The following BCL2L13 variants were observed in gnomAD, a reference collection of about 807,000 sequenced individuals.
The protein encoded by BCL2L13 is bcl-2-like protein 13.
A neutral mutation model predicts 25.8 loss-of-function variants in BCL2L13; 13 were observed. The ratio of observed to expected loss-of-function variants is 0.50; its 90% CI spans 0.33 to 0.80. The LOEUF (loss-of-function observed/expected upper bound fraction) is 0.80, where lower values mean the gene tolerates loss of function less well. Ranked by LOEUF, BCL2L13 falls within the 30% of genes least tolerant of loss-of-function variation. The probability of loss-of-function intolerance (pLI) is 0.02; values close to 1 mark genes in which losing one functional copy is unlikely to be tolerated. For synonymous variants in BCL2L13, 244 were observed against 230.3 expected (o/e 1.06, Z -0.54); for missense variants, 504 against 574.9 (o/e 0.88, Z 1.26).
At chr22:17,633,093 A>T (rs2058056120) in intron 1 of BCL2L13, among the ~76,000 whole-genome samples, 1 of 152,182 alleles carries the variant, frequency 6.6e-6, no homozygotes, top group African/African-American at 2.4e-5. Context: ...TAGAAAATAC[A>T]AAAAAGTACA....
chr22:17,701,651 C>T (rs958800230), intron 5 of BCL2L13, among the ~76,000 whole-genome samples: 12 of 152,176 alleles, frequency 7.9e-5, no homozygotes, highest in South Asian at 2.1e-4. Flanking sequence ...TCAGGCTGGG[C>T]GTGGTGGCAC....
chr22:17,687,718 C>T (rs780646467), intron 3 of BCL2L13, among the ~76,000 whole-genome samples: 13 of 151,942 alleles, frequency 8.6e-5, no homozygotes, highest in East Asian at 7.7e-4. Flanking sequence ...GGGGTTTCAC[C>T]GTGTTAGCCA....
At chr22:17,637,815 C>T (rs1352557955), upstream of BCL2L13, among the ~76,000 whole-genome samples, 1 of 152,136 alleles carries the variant, frequency 6.6e-6, no homozygotes, top group Non-Finnish European at 1.5e-5. Context: ...CAGTTCAACT[C>T]TTTTATCACT....
At position 17,718,235 on chromosome 22, in the gene BCL2L13, AT is replaced by A. The variant is rs374915164; in HGVS notation, c.601-8439del. ...AATGTTGATGGAAGGGAAGAGATGT[AT>A]TTAGATATTAGAAGATATATTTAGG... On this transcript the variant is annotated intron_variant, in intron 6 of 6. Coordinates refer to ENST00000317582, the MANE Select transcript of BCL2L13 (RefSeq NM_015367.4). Among the ~76,000 whole-genome samples the A allele has an allele frequency of 3.9e-3, 598 of 152,338 alleles. 4 individuals carry two copies. Among genetic ancestry groups the A allele is most frequent in the African/African-American group, 0.014 (579 of 41,582 alleles).
chr22:17,670,391 T>TTA (rs1178400969), intron 2 of BCL2L13, among the ~76,000 whole-genome samples: 1 of 151,056 alleles, frequency 6.6e-6, no homozygotes. Flanking sequence ...TTTTTTTTTT[T>TTA]AAGACAGAGT....
chr22:17,727,790 G>T lies in BCL2L13; in HGVS notation c.*256G>T. Reference sequence around the variant, plus strand: ...GGGTAAAGCACCCCCTCCAGGACCGGGTTTCTCAGCCTTGGCACTAGTGCT... The same window carrying T: ...GGGTAAAGCACCCCCTCCAGGACCGTGTTTCTCAGCCTTGGCACTAGTGCT... On this transcript the variant is annotated 3_prime_UTR_variant, in exon 7 of 7. Transcript: ENST00000317582. The T allele has an allele frequency of 1.8e-6, 1 of 541,268 alleles. No homozygotes were observed. Among genetic ancestry groups the T allele is most frequent in the South Asian group, 2.2e-5 (1 of 46,334 alleles). The allele number at this position is 541,268 out of a possible 1,614,324, so 33.5% of individuals were successfully genotyped here.
intron 6 of BCL2L13, among the ~76,000 whole-genome samples, chr22:17,704,422 G>C (rs1234396994): frequency 6.6e-6 from 1 of 151,834 alleles, no homozygotes; most frequent in Non-Finnish European, 1.5e-5. Flanking sequence ...CTCTAAATTT[G>C]AATGTCCAAT....
intron 1 of BCL2L13, among the ~76,000 whole-genome samples, chr22:17,644,892 C>CTCTG (rs1029567583): frequency 6.6e-6 from 1 of 150,474 alleles, no homozygotes; most frequent in Non-Finnish European, 1.5e-5. Context: ...TCACTGCAAC[C>CTCTG]TCTGACTCCC....
intron 6 of BCL2L13, among the ~76,000 whole-genome samples, chr22:17,716,202 T>G (rs573796334): frequency 6.6e-6 from 1 of 152,238 alleles, no homozygotes; most frequent in South Asian, 2.1e-4. Context: ...TTAAGTACAG[T>G]GGAACTTAAG....
intron 3 of BCL2L13, among the ~76,000 whole-genome samples, chr22:17,684,103 A>G (rs1275601591): frequency 6.6e-6 from 1 of 152,000 alleles, no homozygotes; most frequent in Non-Finnish European, 1.5e-5. Context: ...ATCTTACCCA[A>G]TGATATAAAT....
intron 5 of BCL2L13, among the ~76,000 whole-genome samples, chr22:17,698,204 T>G (rs2060322935): frequency 6.6e-6 from 1 of 151,898 alleles, no homozygotes; most frequent in Non-Finnish European, 1.5e-5. Flanking sequence ...AGCCTTTCCC[T>G]TCCGGGTTCA....
chr22:17,646,962 T>A (rs1322301712), intron 1 of BCL2L13, among the ~76,000 whole-genome samples: 5,159 of 82,248 alleles, frequency 0.063, 56 homozygotes, highest in Non-Finnish European at 0.091. Context: ...TATATTTTTT[T>A]TTTTTTTTTT....
intron 5 of BCL2L13, among the ~76,000 whole-genome samples, chr22:17,701,125 A>T (rs888743897): frequency 2.0e-5 from 3 of 152,032 alleles, no homozygotes; most frequent in African/African-American, 7.2e-5. Flanking sequence ...CAGGGACTCT[A>T]GTTAGTTTCT....
chr22:17,713,947 C>T (rs2060836269), intron 6 of BCL2L13, among the ~76,000 whole-genome samples: 1 of 151,288 alleles, frequency 6.6e-6, no homozygotes, highest in Non-Finnish European at 1.5e-5. Flanking sequence ...TCGAGACCAG[C>T]CTGGCCAACA....
intron 2 of BCL2L13, among the ~76,000 whole-genome samples, chr22:17,657,377 CTA>C (rs2058908959): frequency 1.4e-5 from 2 of 146,454 alleles, no homozygotes; most frequent in African/African-American, 5.3e-5. Context: ...CTACTTAACT[CTA>C]CTTTGTGCTA....
rs185644545 is a variant in BCL2L13 at position 17,658,062 on chromosome 22, C to T, written c.121+2230C>T. ...GTCTCGATCTCCTGACCTCGTGATCCGCCCTCCTCAGCCTCCCAAAGTGCT... is the reference window on the plus strand; with the variant it reads ...GTCTCGATCTCCTGACCTCGTGATCTGCCCTCCTCAGCCTCCCAAAGTGCT... On this transcript the variant is annotated intron_variant, in intron 2 of 6. Transcript: ENST00000317582. Among the ~76,000 whole-genome samples the T allele has an allele frequency of 6.8e-3, 1,034 of 151,730 alleles. 19 individuals carry two copies. Among genetic ancestry groups the T allele is most frequent in the Admixed American group, 0.035 (537 of 15,202 alleles).
chr22:17,631,773 G>A (rs1457376046), intron 1 of BCL2L13, among the ~76,000 whole-genome samples: 6 of 133,160 alleles, frequency 4.5e-5, no homozygotes, highest in African/African-American at 1.4e-4. Flanking sequence ...CCAGGCTGGA[G>A]TGCAGTGGCG....
intron 1 of BCL2L13, among the ~76,000 whole-genome samples, chr22:17,631,440 C>G (rs1329861236): frequency 4.0e-5 from 6 of 151,536 alleles, no homozygotes; most frequent in Non-Finnish European, 8.8e-5. Flanking sequence ...ATTCAGGTTA[C>G]GCATTATAGC....
chr22:17,713,347 T>A (rs973610008), intron 6 of BCL2L13, among the ~76,000 whole-genome samples: 21 of 151,990 alleles, frequency 1.4e-4, no homozygotes, highest in Admixed American at 1.2e-3. Flanking sequence ...TAAACAAATA[T>A]CAAGAAAGCC....
Sources: gnomAD v4.1 joint callset for allele counts (sites outside exome capture counted in the v4.1 genomes callset) on GRCh38, gnomAD v4.1.1 for gene constraint, MANE v1.5 for transcripts, NCBI Gene and HGNC (gene_info 2026-07-23, HGNC 2026-07-21) for gene names.